Variants in RNGTT observed in about 807,000 individuals in gnomAD.
RNGTT encodes the protein mRNA-capping enzyme.
A neutral mutation model predicts 79.3 loss-of-function variants in RNGTT; 33 were observed. The ratio of observed to expected loss-of-function variants is 0.42; its 90% CI spans 0.32 to 0.56. RNGTT has a LOEUF of 0.56. RNGTT is among the 20% of genes least tolerant of loss of function. The pLI is 0.17. For missense variants in RNGTT, 497 were observed against 739.1 expected, an observed-to-expected ratio of 0.67 and a Z score of 3.80; for synonymous variants, 222 against 235.9, an observed-to-expected ratio of 0.94 and a Z score of 0.54.
chr6:88,686,024 T>C lies in RNGTT; in HGVS notation c.1440-7605A>G, dbSNP rs182199071. ...TATTCATAAACATAATATATATACATATGTATTCCCCCCAAAATGCAGAAA... is the reference window on the plus strand; with the variant it reads ...TATTCATAAACATAATATATATACACATGTATTCCCCCCAAAATGCAGAAA... On this transcript the variant is annotated intron_variant, in intron 13 of 15. Transcript: ENST00000369485. 2.4e-3 allele frequency among the ~76,000 whole-genome samples: 368 copies of C among 151,042 alleles called. 4 individuals are homozygous for C. Among genetic ancestry groups the C allele is most frequent in the Middle Eastern group, 0.01 (3 of 292 alleles).
intron 1 of RNGTT, among the ~76,000 whole-genome samples, chr6:88,956,623 T>C (rs1326345547): frequency 6.6e-6 from 1 of 152,114 alleles, no homozygotes; most frequent in African/African-American, 2.4e-5. Context: ...CTGATGAACA[T>C]AGATGCAAAA....
intron 14 of RNGTT, among the ~76,000 whole-genome samples, chr6:88,616,227 C>T (rs912118023): frequency 1.3e-5 from 2 of 152,184 alleles, no homozygotes; most frequent in Non-Finnish European, 2.9e-5. Flanking sequence ...TATGTATACA[C>T]CACATTTTCT....
chr6:88,927,493 T>C (rs1784359057), intron 4 of RNGTT, among the ~76,000 whole-genome samples: 1 of 152,018 alleles, frequency 6.6e-6, no homozygotes, highest in African/African-American at 2.4e-5. Flanking sequence ...AGAAACCCTG[T>C]CTCTACTAAA....
At chr6:88,909,982 C>T (rs1034970078) in intron 4 of RNGTT, among the ~76,000 whole-genome samples, 1 of 150,964 alleles carries the variant, frequency 6.6e-6, no homozygotes, top group Admixed American at 6.6e-5. Context: ...AAAAAAAAAA[C>T]CCATTCAATC....
intron 11 of RNGTT, among the ~76,000 whole-genome samples, chr6:88,817,720 T>G (rs1780359829): frequency 6.7e-6 from 1 of 148,360 alleles, no homozygotes; most frequent in Non-Finnish European, 1.5e-5. Context: ...ACCTATCCCA[T>G]GCCTTCACCA....
intron 14 of RNGTT, among the ~76,000 whole-genome samples, chr6:88,625,893 T>C (rs75947461): frequency 0.011 from 1,713 of 152,088 alleles, 39 homozygotes; most frequent in African/African-American, 0.04. Flanking sequence ...TGTCTTAGTG[T>C]ACCCTACATG....
chr6:88,963,607 A>G lies in RNGTT; in HGVS notation c.-198T>C, dbSNP rs1785728076. The G allele has an allele frequency of 6.1e-6, 3 of 493,358 alleles. No individual in the cohort carries two copies. Among genetic ancestry groups the G allele is most frequent in the Admixed American group, 8.3e-5 (2 of 24,208 alleles). The allele number at this position is 493,358 out of a possible 1,614,324, so 30.6% of individuals were successfully genotyped here. On this transcript the variant is annotated 5_prime_UTR_variant, in exon 1 of 16. Transcript: ENST00000369485. ...AGGATCAACTCCACAGCTCCAGGAG[A>G]ACCCACAATGCACCGCAACTTCCGC...
chr6:88,634,273 A>G (rs2127770572), intron 14 of RNGTT, among the ~76,000 whole-genome samples: 1 of 152,292 alleles, frequency 6.6e-6, no homozygotes, highest in South Asian at 2.1e-4. Flanking sequence ...ATACATGTAA[A>G]TAAGGATGGA....
intron 12 of RNGTT, among the ~76,000 whole-genome samples, chr6:88,790,801 C>A (rs1245395694): frequency 6.6e-6 from 1 of 152,064 alleles, no homozygotes; most frequent in East Asian, 1.9e-4. Flanking sequence ...GAAATGTTGG[C>A]AAATTTTACT....
In RNGTT at chr6:88,614,988, A is replaced by C. The variant is rs567055438; in HGVS notation, c.1507-593T>G. Among the ~76,000 whole-genome samples the C allele has an allele frequency of 7.2e-5, 11 of 152,344 alleles. No individual in the cohort carries two copies. The South Asian group carries it at 2.3e-3, about 32-fold the overall frequency. Reference sequence around the variant, plus strand: ...CAAACTAGTACAAATTTACAGATGAAGCTATTTGTGACATTAGTTGATGGG... The same window carrying C: ...CAAACTAGTACAAATTTACAGATGACGCTATTTGTGACATTAGTTGATGGG... On this transcript the variant is annotated intron_variant, in intron 14 of 15. Coordinates refer to ENST00000369485, the MANE Select transcript of RNGTT (RefSeq NM_003800.5).
intron 1 of RNGTT, among the ~76,000 whole-genome samples, chr6:88,955,966 A>T (rs1419092369): frequency 7.0e-6 from 1 of 143,654 alleles, no homozygotes; most frequent in Non-Finnish European, 1.5e-5. Context: ...ACTTGAACCT[A>T]GGAGGCAGAG....
rs191358476 is a variant in RNGTT, at chr6:88,699,730, T to C, written c.1440-21311A>G. Among the ~76,000 whole-genome samples the C allele has an allele frequency of 1.9e-3, 296 of 152,316 alleles. 4 individuals are homozygous for C. Among genetic ancestry groups the C allele is most frequent in the African/African-American group, 7.0e-3 (290 of 41,572 alleles). On this transcript the variant is annotated intron_variant, in intron 13 of 15. Transcript: ENST00000369485. ...GTATGCACCTACAATGGAACATTAT[T>C]CAGCCTTAAAAGGAATGACATTCTG... is the stretch of plus-strand genomic sequence containing the variant.
chr6:88,842,642 T>C (rs1781332933), intron 11 of RNGTT, among the ~76,000 whole-genome samples: 1 of 152,108 alleles, frequency 6.6e-6, no homozygotes, highest in South Asian at 2.1e-4. Context: ...AAATAGAGCA[T>C]CTAAATGTAA....
intron 12 of RNGTT, among the ~76,000 whole-genome samples, chr6:88,771,338 T>C (rs71548728): frequency 0.13 from 16,963 of 127,142 alleles, 1,610 homozygotes; most frequent in Middle Eastern, 0.26. Context: ...TATATATATA[T>C]ATATATATAT....
intron 13 of RNGTT, among the ~76,000 whole-genome samples, chr6:88,738,577 C>A (rs1285700194): frequency 6.6e-6 from 1 of 152,056 alleles, no homozygotes; most frequent in Non-Finnish European, 1.5e-5. Flanking sequence ...ACCTGGCAGG[C>A]AGAGGTTGCA....
intron 14 of RNGTT, among the ~76,000 whole-genome samples, chr6:88,669,520 G>A (rs1774547034): frequency 1.3e-5 from 2 of 152,228 alleles, no homozygotes; most frequent in South Asian, 4.1e-4. Context: ...AATTGCCTAG[G>A]GCAAAAGCTG....
At chr6:88,905,039 C>T in intron 5 of RNGTT, 84 bp from the exon 6 acceptor site, 3 of 1,512,502 alleles carry the variant, frequency 2.0e-6, no homozygotes, top group Non-Finnish European at 2.7e-6. Context: ...ATATTCAAGG[C>T]TCCATATAAA....
rs1298314147 is a variant in RNGTT, at chr6:88,629,562, T to C, written c.1507-15167A>G. On this transcript the variant is annotated intron_variant, in intron 14 of 15. Transcript: ENST00000369485. ...TCCTTAGGTTTCTGTTCTACAGTTG[T>C]TCCAGTGAGGGTAAGGAGAATGTGT... Among the ~76,000 whole-genome samples, 3 of 152,164 alleles carry C rather than the reference T, an allele frequency of 2.0e-5. No homozygotes were observed. The East Asian group carries it at 5.8e-4, about 29-fold the overall frequency.
At chr6:88,676,232 G>C (rs970500864) in intron 14 of RNGTT, among the ~76,000 whole-genome samples, 2 of 152,158 alleles carry the variant, frequency 1.3e-5, no homozygotes, top group Non-Finnish European at 2.9e-5. Flanking sequence ...GAATGGAAGA[G>C]TCCAGAAATA....
Sources: allele counts gnomAD v4.1 joint callset (sites outside exome capture counted in the v4.1 genomes callset), GRCh38; gene constraint gnomAD v4.1.1; transcripts MANE v1.5; gene names NCBI Gene and HGNC (gene_info 2026-07-23, HGNC 2026-07-21).